The following SBF2 variants were observed in gnomAD, a reference collection of about 807,000 sequenced individuals.
SBF2 encodes SET binding factor 2, also known as myotubularin-related protein 13.
A neutral mutation model predicts 225.2 loss-of-function variants in SBF2; 112 were observed. The ratio of observed to expected loss-of-function variants is 0.50; its 90% confidence interval spans 0.43 to 0.58. The LOEUF (loss-of-function observed/expected upper bound fraction) is 0.58, where lower values mean the gene tolerates loss of function less well. SBF2 is among the 20% of genes least tolerant of loss of function. The pLI, the probability that SBF2 is intolerant of heterozygous loss-of-function variation, is 0.00. For missense variants in SBF2, 1,996 were observed against 2,206.2 expected, an observed-to-expected ratio of 0.90 and a Z score of 1.91; for synonymous variants, 763 against 773.3, an observed-to-expected ratio of 0.99 and a Z score of 0.22.
chr11:10,028,292 G>C (rs1359150941), intron 6 of SBF2, among the ~76,000 whole-genome samples, 160 bp downstream of exon 6: 1 of 151,978 alleles, frequency 6.6e-6, no homozygotes, highest in Non-Finnish European at 1.5e-5. Flanking sequence ...TGAACAGTAG[G>C]TAAGATCAGG....
At position 9,968,369 on chromosome 11, in the gene SBF2, T is replaced by C. The variant is rs768310130; in HGVS notation, c.1572A>G (p.Lys524=). The C allele has an allele frequency of 1.2e-6, 2 of 1,614,102 alleles. No homozygotes were observed. The highest frequency in any genetic ancestry group is 2.2e-5 in the East Asian group (1 of 44,876). ...NAPPATRIEK[K]CVVPAGPPVV... is the part of the protein sequence containing the mutation. Reference sequence around the variant, plus strand: ...CAGGTGGACCTGCTGGCACAACACATTTCTTTTCTATTCGTGTGGCAGGAG... The same window carrying C: ...CAGGTGGACCTGCTGGCACAACACACTTCTTTTCTATTCGTGTGGCAGGAG... The change falls in exon 14 of 40, where the codon AAA becomes AAG. Residue 524 remains lysine, a synonymous_variant. Transcript: ENST00000256190.
At chr11:10,183,249 C>G in intron 2 of SBF2, among the ~76,000 whole-genome samples, 1 of 152,056 alleles carries the variant, frequency 6.6e-6, no homozygotes, top group Admixed American at 6.6e-5. Context: ...TTAAAGCGTC[C>G]CACATCCTCT....
At position 10,026,665 on chromosome 11, in the gene SBF2, G is replaced by C. The variant is rs930301010; in HGVS notation, c.619+1787C>G. On this transcript the variant is annotated intron_variant, in intron 6 of 39. Transcript: ENST00000256190. ...AGGAGGGAAGACTGCTTGAGCCCAG[G>C]GTGTTGGGGGCTGTAGTAAGCTGTG... Among the ~76,000 whole-genome samples, 7 of 152,220 alleles carry C rather than the reference G, an allele frequency of 4.6e-5. No homozygotes were observed. The South Asian group carries it at 1.5e-3, about 32-fold the overall frequency.
intron 16 of SBF2, among the ~76,000 whole-genome samples, chr11:9,898,158 G>A (rs1404048634): frequency 6.6e-6 from 1 of 151,774 alleles, no homozygotes; most frequent in East Asian, 1.9e-4. Flanking sequence ...TGCTGCGGAT[G>A]GGGAGGGCGT....
chr11:10,253,901 T>C (rs893259687), intron 1 of SBF2, among the ~76,000 whole-genome samples: 6 of 152,074 alleles, frequency 3.9e-5, no homozygotes, highest in African/African-American at 1.4e-4. Context: ...TCAACATCGA[T>C]AATAGTATGG....
intron 2 of SBF2, among the ~76,000 whole-genome samples, chr11:10,111,078 A>G (rs529263679): frequency 3.9e-5 from 6 of 152,156 alleles, no homozygotes; most frequent in Non-Finnish European, 8.8e-5. Context: ...ACCACATTAA[A>G]CTGAATTAAC....
At chr11:10,109,671 G>C (rs148171560) in intron 2 of SBF2, among the ~76,000 whole-genome samples, 16 of 152,290 alleles carry the variant, frequency 1.1e-4, no homozygotes, top group Non-Finnish European at 1.8e-4. Flanking sequence ...ACTCAACGAA[G>C]TAAGATGGTA....
chr11:10,093,067 AGG>A (rs1182295716), intron 2 of SBF2, among the ~76,000 whole-genome samples: 1 of 150,056 alleles, frequency 6.7e-6, no homozygotes, highest in Non-Finnish European at 1.5e-5. Flanking sequence ...CCCAGGCTGG[AGG>A]GCAGTGGCAT....
rs535510237 is a variant in SBF2, at chr11:10,010,754, G to GT, written c.620-8066dup. Among the ~76,000 whole-genome samples the GT allele has an allele frequency of 1.2e-4, 19 of 152,272 alleles. No individual in the cohort carries two copies. The South Asian group carries it at 2.7e-3, about 22-fold the overall frequency. ...TTGGTTTCATTTGAAATTTAAAGTAGTTTTTTCTAATTTTCTGAAAAAAGT... is the reference window on the plus strand; with the variant it reads ...TTGGTTTCATTTGAAATTTAAAGTAGTTTTTTTCTAATTTTCTGAAAAAAGT... On this transcript the variant is annotated intron_variant, in intron 6 of 39. Transcript: ENST00000256190.
rs916355506 is a variant in SBF2, at chr11:10,029,668, A to G, written c.513+97T>C. ...GATCTTCCTTAAAACAAAAATATTT[A>G]AAGAATTATTTCTTTCCCTTTCTCC... On this transcript the variant is annotated intron_variant, in intron 5 of 39. Transcript: ENST00000256190. 63 of 925,714 alleles carry G rather than the reference A, an allele frequency of 6.8e-5. No homozygotes were observed. In the African/African-American group the frequency reaches 8.6e-4, roughly 13 times the overall value. The allele number at this position is 925,714 out of a possible 1,614,324, so 57.3% of individuals were successfully genotyped here.
intron 6 of SBF2, among the ~76,000 whole-genome samples, chr11:10,006,762 C>T (rs1948210966): frequency 6.6e-6 from 1 of 152,176 alleles, no homozygotes; most frequent in Admixed American, 6.5e-5. Context: ...CACTTCCATG[C>T]CCTTCTCAAT....
chr11:10,204,925 G>T (rs1292768465), intron 1 of SBF2, among the ~76,000 whole-genome samples: 3 of 151,474 alleles, frequency 2.0e-5, no homozygotes, highest in African/African-American at 7.3e-5. Flanking sequence ...TGGTGATGTC[G>T]CATGTTCCCA....
chr11:10,045,715 G>C (rs7122422), intron 2 of SBF2, among the ~76,000 whole-genome samples: 56,089 of 152,086 alleles, frequency 0.37, 11,628 homozygotes, highest in Non-Finnish European at 0.46. Context: ...TGACAATGTA[G>C]AGAAATGTAC....
chr11:9,896,417 C>T (rs1180280853), intron 16 of SBF2, among the ~76,000 whole-genome samples: 3 of 151,944 alleles, frequency 2.0e-5, no homozygotes, highest in African/African-American at 7.3e-5. Context: ...CATTTTTTTG[C>T]ACATTTTAAC....
At chr11:9,928,549 A>T (rs1403816152) in intron 16 of SBF2, among the ~76,000 whole-genome samples, 1 of 152,222 alleles carries the variant, frequency 6.6e-6, no homozygotes, top group Non-Finnish European at 1.5e-5. Flanking sequence ...ACATTTCTTA[A>T]AAAGTTAAAA....
At chr11:10,196,866 A>ATATATATATATATATATTTTTTTTT in intron 1 of SBF2, among the ~76,000 whole-genome samples, 26 of 99,284 alleles carry the variant, frequency 2.6e-4, no homozygotes, top group African/African-American at 5.6e-4. Context: ...ATATATATAT[A>ATATATATATATATATATTTTTTTTT]TTTTTTTTTT....
At chr11:9,878,153 A>G (rs1406566670) in intron 17 of SBF2, among the ~76,000 whole-genome samples, 1 of 152,178 alleles carries the variant, frequency 6.6e-6, no homozygotes, top group Non-Finnish European at 1.5e-5. Context: ...ACCAATGATG[A>G]TGAGCATTTT....
intron 13 of SBF2, among the ~76,000 whole-genome samples, chr11:9,980,418 G>A (rs929146945): frequency 7.9e-5 from 12 of 151,688 alleles, no homozygotes; most frequent in African/African-American, 2.9e-4. Flanking sequence ...TCACAGGCAT[G>A]AGCCACCACA....
intron 1 of SBF2, among the ~76,000 whole-genome samples, chr11:10,206,404 C>T (rs1957753731): frequency 6.6e-6 from 1 of 151,962 alleles, no homozygotes. Context: ...TACATGCTAA[C>T]TCTAAACACA....
Sources: gnomAD v4.1 joint callset for allele counts (sites outside exome capture counted in the v4.1 genomes callset) on GRCh38, gnomAD v4.1.1 for gene constraint, MANE v1.5 for transcripts, NCBI Gene and HGNC (gene_info 2026-07-23, HGNC 2026-07-21) for gene names.